TCIM: variants seen among roughly 807,000 people sequenced by gnomAD.
TCIM encodes the protein transcriptional and immune response regulator.
In TCIM, 5 loss-of-function variants were observed where a neutral mutation model predicts 7.0. The ratio of observed to expected loss-of-function variants is 0.71; its 90% CI spans 0.37 to 1.50. The LOEUF (loss-of-function observed/expected upper bound fraction) is 1.50, where lower values mean the gene tolerates loss of function less well. Among genes scored for constraint, TCIM ranks in the 40% most tolerant of loss-of-function variants. TCIM has a pLI of 0.03. For missense variants in TCIM, 137 were observed against 129.7 expected (o/e 1.06, Z -0.27); for synonymous variants, 66 against 50.3 (o/e 1.31, Z -1.32).
In TCIM at chr8:40,153,724, C is replaced by G; in HGVS notation, c.192C>G (p.Ala64=). Residue 64 remains alanine (A), a synonymous_variant, in exon 1 of 1, where the codon GCC becomes GCG. Transcript: ENST00000315792. ...NSGDKKAEER[A]KIIFAIDQDV... ...GAGACAAGAAAGCAGAGGAGAGAGC[C>G]AAGATCATTTTTGCCATAGATCAAG... The G allele has an allele frequency of 6.2e-7, 1 of 1,614,078 alleles. No homozygotes were observed. Among genetic ancestry groups the G allele is most frequent in the East Asian group, 2.2e-5 (1 of 44,876 alleles).
In TCIM at chr8:40,153,570, C is replaced by T. The variant is rs1129246; in HGVS notation, c.38C>T (p.Ser13Phe). The T allele has an allele frequency of 3.7e-6, 6 of 1,613,928 alleles. No homozygotes were observed. The Admixed American group carries it at 5.0e-5, about 13-fold the overall frequency. ...CGAAGCCACCAAGCCGTCATCATGT[C>T]CACGTCGCTACGAGTCAGCCCATCC... ...AKRSHQAVIM[S>F]TSLRVSPSIH... is the part of the protein sequence containing the mutation. The change falls in exon 1 of 1, where the codon TCC (serine) becomes TTC (phenylalanine). Residue 13 changes from serine (S) to phenylalanine (F), a missense_variant. By Grantham distance (155) the Ser-to-Phe change is radical (BLOSUM62 -2). Coordinates refer to ENST00000315792, the MANE Select transcript of TCIM (RefSeq NM_020130.5).
rs956066952 is a variant in TCIM, at chr8:40,155,183, G to C, written c.*1330G>C. The C allele has an allele frequency of 6.0e-6, 1 of 167,024 alleles. No homozygotes were observed. Among genetic ancestry groups the C allele is most frequent in the Non-Finnish European group, 1.5e-5 (1 of 68,100 alleles). The allele number at this position is 167,024 out of a possible 1,614,324, so 10.3% of individuals were successfully genotyped here. On this transcript the variant is annotated 3_prime_UTR_variant, in exon 1 of 1. Transcript: ENST00000315792. ...TCCCAAGCAATATGTTTTGGGTTTA[G>C]AGTCTGAGTGATGACCAAGATTCTG...
chr8:40,154,204 C>T lies in TCIM; in HGVS notation c.*351C>T. On this transcript the variant is annotated 3_prime_UTR_variant, in exon 1 of 1. Coordinates refer to ENST00000315792, the MANE Select transcript of TCIM (RefSeq NM_020130.5). ...ACAGATGGCTGGAGATGACATTTAT[C>T]CAGGGTCACTTTGTCAGGCCCTAGG... 2.4e-6 allele frequency: 1 copy of T among 416,042 alleles called. No individual in the cohort carries two copies. The highest frequency in any genetic ancestry group is 1.2e-4 in the South Asian group (1 of 8,118). 25.8% of individuals were successfully genotyped at this position (416,042 alleles called of 1,614,324 possible). A position where few individuals can be genotyped will look rare whatever the true frequency, so the allele number is the denominator to read the frequency against.
In TCIM at chr8:40,153,975, TC is replaced by T; in HGVS notation, c.*124del. The T allele has an allele frequency of 1.1e-6, 1 of 901,874 alleles. No homozygotes were observed. Among genetic ancestry groups the T allele is most frequent in the Non-Finnish European group, 1.7e-6 (1 of 589,364 alleles). The allele number at this position is 901,874 out of a possible 1,614,324, so 55.9% of individuals were successfully genotyped here. A position where few individuals can be genotyped will look rare whatever the true frequency, so the allele number is the denominator to read the frequency against. On this transcript the variant is annotated 3_prime_UTR_variant, in exon 1 of 1. Coordinates refer to ENST00000315792, the MANE Select transcript of TCIM (RefSeq NM_020130.5). ...TTACAAGCTTCTCTTCTGTCAGGAC[TC>T]CAGAGGCTGGAAAGGGACCGGGACT... is the stretch of plus-strand genomic sequence containing the variant.
rs888855405 is a variant in TCIM at position 40,154,732 on chromosome 8, G to A, written c.*879G>A. 6.0e-6 allele frequency: 1 copy of A among 166,962 alleles called. No homozygotes were observed. Among genetic ancestry groups the A allele is most frequent in the African/African-American group, 2.4e-5 (1 of 41,430 alleles). The allele number at this position is 166,962 out of a possible 1,614,324, so 10.3% of individuals were successfully genotyped here. On this transcript the variant is annotated 3_prime_UTR_variant, in exon 1 of 1. Coordinates refer to ENST00000315792, the MANE Select transcript of TCIM (RefSeq NM_020130.5). Reference sequence around the variant, plus strand: ...GGAAGTGAATATGATATACAAAATAGTTTATAAAGACTCTATAGTTTCTAT... The same window carrying A: ...GGAAGTGAATATGATATACAAAATAATTTATAAAGACTCTATAGTTTCTAT...
chr8:40,154,379 AGTATT>A lies in TCIM; in HGVS notation c.*529_*533del. 2.4e-6 allele frequency: 1 copy of A among 410,680 alleles called. No individual in the cohort carries two copies. The highest frequency in any genetic ancestry group is 1.4e-4 in the South Asian group (1 of 7,002). The allele number at this position is 410,680 out of a possible 1,614,324, so 25.4% of individuals were successfully genotyped here. A position where few individuals can be genotyped will look rare whatever the true frequency, so the allele number is the denominator to read the frequency against. ...AGTGTTCAAAATATTTCCAAGCCTG[AGTATT>A]GTCTATTGGTATAGATTTTTAGAAA... On this transcript the variant is annotated 3_prime_UTR_variant, in exon 1 of 1. Transcript: ENST00000315792.
At position 40,154,064 on chromosome 8, in the gene TCIM, T is replaced by C; in HGVS notation, c.*211T>C. On this transcript the variant is annotated 3_prime_UTR_variant, in exon 1 of 1. Coordinates refer to ENST00000315792, the MANE Select transcript of TCIM (RefSeq NM_020130.5). ...CTCCAAACAATTTCATGCCCTGTGC[T>C]GTTACAGAGGAGAACAAAATGCTTT... 5.2e-6 allele frequency: 3 copies of C among 579,774 alleles called. No homozygotes were observed. Among genetic ancestry groups the C allele is most frequent in the Non-Finnish European group, 9.3e-6 (3 of 321,320 alleles). 35.9% of individuals were successfully genotyped at this position (579,774 alleles called of 1,614,324 possible). A position where few individuals can be genotyped will look rare whatever the true frequency, so the allele number is the denominator to read the frequency against.
At position 40,155,186 on chromosome 8, in the gene TCIM, T is replaced by A. The variant is rs1428313866; in HGVS notation, c.*1333T>A. The A allele has an allele frequency of 6.0e-6, 1 of 167,006 alleles. No individual in the cohort carries two copies. Among genetic ancestry groups the A allele is most frequent in the East Asian group, 1.9e-4 (1 of 5,196 alleles). 10.3% of individuals were successfully genotyped at this position (167,006 alleles called of 1,614,324 possible). A position where few individuals can be genotyped will look rare whatever the true frequency, so the allele number is the denominator to read the frequency against. ...CAAGCAATATGTTTTGGGTTTAGAG[T>A]CTGAGTGATGACCAAGATTCTGTGT... On this transcript the variant is annotated 3_prime_UTR_variant, in exon 1 of 1. Coordinates refer to ENST00000315792, the MANE Select transcript of TCIM (RefSeq NM_020130.5).
At position 40,153,642 on chromosome 8, in the gene TCIM, G is replaced by A; in HGVS notation, c.110G>A (p.Gly37Asp). Residue 37 changes from glycine (G) to aspartate (D), a missense_variant, in exon 1 of 1, where the codon GGC (glycine) becomes GAC (aspartate). Gly to Asp is a moderately conservative substitution (Grantham distance 94). Coordinates refer to ENST00000315792, the MANE Select transcript of TCIM (RefSeq NM_020130.5). ...ACAGCCTCTCGTAAGAAAGCCGTGG[G>A]CAACATCTTTGAAAACACAGACCAA... is the stretch of plus-strand genomic sequence containing the variant. ...FDTASRKKAVGNIFENTDQES... is the reference protein window; with the variant it reads ...FDTASRKKAVDNIFENTDQES... 6.2e-7 allele frequency: 1 copy of A among 1,614,146 alleles called. No homozygotes were observed. Among genetic ancestry groups the A allele is most frequent in the Non-Finnish European group, 8.5e-7 (1 of 1,180,018 alleles).
At position 40,154,966 on chromosome 8, in the gene TCIM, C is replaced by G. The variant is rs538212174; in HGVS notation, c.*1113C>G. The G allele has an allele frequency of 1.2e-3, 207 of 166,952 alleles. No individual in the cohort carries two copies. Among genetic ancestry groups the G allele is most frequent in the Non-Finnish European group, 2.2e-3 (153 of 68,060 alleles). 10.3% of individuals were successfully genotyped at this position (166,952 alleles called of 1,614,324 possible). On this transcript the variant is annotated 3_prime_UTR_variant, in exon 1 of 1. Coordinates refer to ENST00000315792, the MANE Select transcript of TCIM (RefSeq NM_020130.5). ...CAAACTTTTTCAAAACAAATTCTTA[C>G]GTCAAATATCTGGGAAGTTTCTCTG...
chr8:40,153,627 G>T lies in TCIM; in HGVS notation c.95G>T (p.Arg32Leu). 4.3e-6 allele frequency: 7 copies of T among 1,614,112 alleles called. No homozygotes were observed. Among genetic ancestry groups the T allele is most frequent in the Non-Finnish European group, 5.9e-6 (7 of 1,180,014 alleles). Residue 32 changes from arginine to leucine, a missense_variant, in exon 1 of 1, where the codon CGT becomes CTT. Coordinates refer to ENST00000315792, the MANE Select transcript of TCIM (RefSeq NM_020130.5). Reference sequence around the variant, plus strand: ...GGCTACCACTTCGACACAGCCTCTCGTAAGAAAGCCGTGGGCAACATCTTT... The same window carrying T: ...GGCTACCACTTCGACACAGCCTCTCTTAAGAAAGCCGTGGGCAACATCTTT... The part of the protein sequence containing the change: ...IHGYHFDTAS[R>L]KKAVGNIFEN...
In TCIM at chr8:40,153,661, A is replaced by G. The variant is rs539318737; in HGVS notation, c.129A>G (p.Thr43=). 3 of 1,614,204 alleles carry G rather than the reference A, an allele frequency of 1.9e-6. No individual in the cohort carries two copies. Among genetic ancestry groups the G allele is most frequent in the Non-Finnish European group, 2.5e-6 (3 of 1,180,026 alleles). Residue 43 remains threonine (T), a synonymous_variant, in exon 1 of 1, where the codon ACA becomes ACG. Transcript: ENST00000315792. ...KKAVGNIFEN[T]DQESLERLFR... is the part of the protein sequence containing the mutation. ...CCGTGGGCAACATCTTTGAAAACAC[A>G]GACCAAGAATCACTAGAAAGGCTCT...
Position 40,153,601 on chromosome 8 carries a change from T to C in TCIM, c.69T>C (p.His23=), listed in dbSNP as rs769002993. The C allele has an allele frequency of 1.2e-6, 2 of 1,614,120 alleles. No homozygotes were observed. The highest frequency in any genetic ancestry group is 1.7e-5 in the Admixed American group (1 of 60,022). Residue 23 remains histidine, a synonymous_variant, in exon 1 of 1, where the codon CAT becomes CAC. Transcript: ENST00000315792. Reference sequence around the variant, plus strand: ...CGCTACGAGTCAGCCCATCCATCCATGGCTACCACTTCGACACAGCCTCTC... The same window carrying C: ...CGCTACGAGTCAGCCCATCCATCCACGGCTACCACTTCGACACAGCCTCTC... The part of the protein sequence containing the change: ...STSLRVSPSI[H]GYHFDTASRK...
Position 40,153,876 on chromosome 8 carries a change from G to A in TCIM, c.*23G>A, listed in dbSNP as rs201666828. The A allele has an allele frequency of 2.6e-5, 41 of 1,564,754 alleles. No homozygotes were observed. Among genetic ancestry groups the A allele is most frequent in the Admixed American group, 9.0e-5 (5 of 55,414 alleles). On this transcript the variant is annotated 3_prime_UTR_variant, in exon 1 of 1. Transcript: ENST00000315792. ...TGAAGAGAAGAGGATGGATAAGGAC[G>A]TTATCCAAGAATGGACATTCAAAGA...
chr8:40,153,976 C>A lies in TCIM; in HGVS notation c.*123C>A. 1 of 893,900 alleles carries A rather than the reference C, an allele frequency of 1.1e-6. No homozygotes were observed. Among genetic ancestry groups the A allele is most frequent in the East Asian group, 2.6e-5 (1 of 38,870 alleles). 55.4% of individuals were successfully genotyped at this position (893,900 alleles called of 1,614,324 possible). On this transcript the variant is annotated 3_prime_UTR_variant, in exon 1 of 1. Coordinates refer to ENST00000315792, the MANE Select transcript of TCIM (RefSeq NM_020130.5). The stretch of plus-strand genomic sequence containing the variant: ...TACAAGCTTCTCTTCTGTCAGGACT[C>A]CAGAGGCTGGAAAGGGACCGGGACT...
rs1240575465 is a variant in TCIM, at chr8:40,153,654, A to G, written c.122A>G (p.Glu41Gly). 3 of 1,614,058 alleles carry G rather than the reference A, an allele frequency of 1.9e-6. No homozygotes were observed. The highest frequency in any genetic ancestry group is 2.5e-6 in the Non-Finnish European group (3 of 1,180,024). ...SRKKAVGNIF[E>G]NTDQESLERL... ...AAGAAAGCCGTGGGCAACATCTTTG[A>G]AAACACAGACCAAGAATCACTAGAA... The change falls in exon 1 of 1, where the codon GAA becomes GGA. Residue 41 changes from glutamate (E) to glycine (G), a missense_variant. By Grantham distance (98) the Glu-to-Gly change is moderately conservative (BLOSUM62 -2). Coordinates refer to ENST00000315792, the MANE Select transcript of TCIM (RefSeq NM_020130.5).
Position 40,153,670 on chromosome 8 carries a change from A to G in TCIM, c.138A>G (p.Glu46=). The change falls in exon 1 of 1, where the codon GAA becomes GAG. Residue 46 remains glutamate, a synonymous_variant. Coordinates refer to ENST00000315792, the MANE Select transcript of TCIM (RefSeq NM_020130.5). Reference sequence around the variant, plus strand: ...ACATCTTTGAAAACACAGACCAAGAATCACTAGAAAGGCTCTTCAGAAACT... The same window carrying G: ...ACATCTTTGAAAACACAGACCAAGAGTCACTAGAAAGGCTCTTCAGAAACT... ...VGNIFENTDQ[E]SLERLFRNSG... is the part of the protein sequence containing the mutation. 1 of 1,614,168 alleles carries G rather than the reference A, an allele frequency of 6.2e-7. No homozygotes were observed. The highest frequency in any genetic ancestry group is 8.5e-7 in the Non-Finnish European group (1 of 1,180,022).
Position 40,153,913 on chromosome 8 carries a change from T to C in TCIM, c.*60T>C. The C allele has an allele frequency of 2.1e-6, 3 of 1,439,556 alleles. No homozygotes were observed. Among genetic ancestry groups the C allele is most frequent in the Non-Finnish European group, 2.8e-6 (3 of 1,052,802 alleles). The allele number at this position is 1,439,556 out of a possible 1,614,324, so 89.2% of individuals were successfully genotyped here. A position where few individuals can be genotyped will look rare whatever the true frequency, so the allele number is the denominator to read the frequency against. On this transcript the variant is annotated 3_prime_UTR_variant, in exon 1 of 1. Transcript: ENST00000315792. ...TGGACATTCAAAGACCAAGTGAGTT[T>C]GTGAGATTCTAACAGATGCAGCATT...
Position 40,154,475 on chromosome 8 carries a change from G to A in TCIM, c.*622G>A, listed in dbSNP as rs1804764904. On this transcript the variant is annotated 3_prime_UTR_variant, in exon 1 of 1. Coordinates refer to ENST00000315792, the MANE Select transcript of TCIM (RefSeq NM_020130.5). ...AAAAAGTGCACCACATGGATGTTAA[G>A]TAGAAATTCAAGAAAGTAAGATGTC... 1 of 319,524 alleles carries A rather than the reference G, an allele frequency of 3.1e-6. No individual in the cohort carries two copies. The highest frequency in any genetic ancestry group is 2.2e-5 in the African/African-American group (1 of 46,502). The allele number at this position is 319,524 out of a possible 1,614,324, so 19.8% of individuals were successfully genotyped here. A position where few individuals can be genotyped will look rare whatever the true frequency, so the allele number is the denominator to read the frequency against.
Sources: allele counts gnomAD v4.1 joint callset, GRCh38; gene constraint gnomAD v4.1.1; transcripts MANE v1.5; gene names NCBI Gene and HGNC (gene_info 2026-07-23, HGNC 2026-07-21).